NPIPB7: variants seen among roughly 807,000 people sequenced by gnomAD.
The protein encoded by NPIPB7 is nuclear pore complex-interacting protein family member B7.
For synonymous variants in NPIPB7, 9 were observed against 88.1 expected, an observed-to-expected ratio of 0.10 and a Z score of 5.03; for missense variants, 14 against 238.5, an observed-to-expected ratio of 0.06 and a Z score of 6.20.
chr16:28,469,695 G>A (rs1324451178), intron 1 of NPIPB7: 3 of 377,174 alleles, frequency 8.0e-6, no homozygotes, highest in Non-Finnish European at 1.5e-5. Context: ...TACACTTAAG[G>A]TTATATATTT....
At chr16:28,471,967 T>C (rs1303325933), upstream of NPIPB7, among the ~76,000 whole-genome samples, 2 of 151,994 alleles carry the variant, frequency 1.3e-5, no homozygotes, top group Non-Finnish European at 2.9e-5. Context: ...AAGATGGAGT[T>C]TGCAGTGAGC....
chr16:28,459,297 TACA>T (rs1332154319), intron 4 of NPIPB7, among the ~76,000 whole-genome samples: 14 of 91,322 alleles, frequency 1.5e-4, no homozygotes, highest in African/African-American at 5.2e-4. Flanking sequence ...TGGTTGATCC[TACA>T]ACAACACACT....
intron 4 of NPIPB7, among the ~76,000 whole-genome samples, chr16:28,462,137 AG>A (rs1395891102): frequency 6.7e-6 from 1 of 149,010 alleles, no homozygotes; most frequent in East Asian, 2.0e-4. Context: ...AAAAAAAAAA[AG>A]GCTGGGTGTG....
chr16:28,468,828 A>G (rs2045921687), intron 1 of NPIPB7, among the ~76,000 whole-genome samples: 1 of 91,296 alleles, frequency 1.1e-5, no homozygotes, highest in Non-Finnish European at 2.5e-5. Context: ...AAAAAAAAAA[A>G]AATTACCAAG....
At chr16:28,461,334 G>A (rs3874707) in intron 4 of NPIPB7, among the ~76,000 whole-genome samples, 168 of 133,706 alleles carry the variant, frequency 1.3e-3, no homozygotes, top group Middle Eastern at 3.5e-3. Flanking sequence ...TGGAGGACCC[G>A]TGACCATCCC....
chr16:28,461,197 C>A (rs1038151886), intron 4 of NPIPB7, among the ~76,000 whole-genome samples: 8 of 150,574 alleles, frequency 5.3e-5, no homozygotes, highest in Non-Finnish European at 1.2e-4. Flanking sequence ...TGAAAGCGAC[C>A]CGTACTGAAA....
chr16:28,468,705 G>A (rs966374427), intron 1 of NPIPB7, among the ~76,000 whole-genome samples: 2 of 138,072 alleles, frequency 1.4e-5, no homozygotes, highest in Admixed American at 1.6e-4. Flanking sequence ...TACTTGGGAG[G>A]CTGAGGCAGA....
intron 4 of NPIPB7, among the ~76,000 whole-genome samples, chr16:28,460,876 G>A (rs1237996713): frequency 1.3e-5 from 1 of 75,130 alleles, no homozygotes; most frequent in Non-Finnish European, 2.7e-5. Context: ...AGCTAAGGAA[G>A]CATTCTACTC....
intron 2 of NPIPB7, among the ~76,000 whole-genome samples, chr16:28,463,389 T>TCTCACA (rs1415034159): frequency 1.1e-4 from 5 of 45,794 alleles, no homozygotes; most frequent in African/African-American, 1.6e-4. Flanking sequence ...AGACTCTGTC[T>TCTCACA]CACACACACA....
chr16:28,472,150 C>T (rs557201285), upstream of NPIPB7, among the ~76,000 whole-genome samples: 150 of 152,318 alleles, frequency 9.8e-4, no homozygotes, highest in African/African-American at 3.4e-3. Flanking sequence ...CAGTGGCCCA[C>T]GCCTGTAATC....
chr16:28,472,233 T>C (rs1490278460), upstream of NPIPB7, among the ~76,000 whole-genome samples: 1 of 151,860 alleles, frequency 6.6e-6, no homozygotes, highest in East Asian at 1.9e-4. Flanking sequence ...GGCAACATAG[T>C]GAGACACCGT....
chr16:28,472,189 G>A (rs1243692258), upstream of NPIPB7, among the ~76,000 whole-genome samples: 1 of 152,218 alleles, frequency 6.6e-6, no homozygotes, highest in Non-Finnish European at 1.5e-5. Context: ...AAGGTGGGCA[G>A]ATCATTTGAG....
upstream of NPIPB7, among the ~76,000 whole-genome samples, chr16:28,470,763 G>A (rs2045944786): frequency 6.7e-6 from 1 of 150,274 alleles, no homozygotes; most frequent in African/African-American, 2.4e-5. Context: ...TTCAAATTAA[G>A]TTCTCAAGCG....
At chr16:28,462,434 G>A (rs2045877775) in intron 4 of NPIPB7, among the ~76,000 whole-genome samples, 1 of 148,686 alleles carries the variant, frequency 6.7e-6, no homozygotes, top group East Asian at 2.0e-4. Context: ...AAAAAAGAGA[G>A]AAAGGAAAAC....
At chr16:28,472,156 T>C (rs546016956), upstream of NPIPB7, among the ~76,000 whole-genome samples, 6 of 152,354 alleles carry the variant, frequency 3.9e-5, no homozygotes, top group South Asian at 1.2e-3. Context: ...CCCACGCCTG[T>C]AATCCCAGTA....
upstream of NPIPB7, among the ~76,000 whole-genome samples, chr16:28,470,871 A>T (rs2045945916): frequency 8.5e-6 from 1 of 117,216 alleles, no homozygotes; most frequent in Non-Finnish European, 1.8e-5. Context: ...TTAGAGGGAG[A>T]CAAAAAGGTT....
At chr16:28,462,083 C>G (rs1193351127) in intron 4 of NPIPB7, among the ~76,000 whole-genome samples, 4 of 148,406 alleles carry the variant, frequency 2.7e-5, no homozygotes, top group Admixed American at 6.7e-5. Flanking sequence ...CACCATAGCA[C>G]TCCAGCCTGG....
chr16:28,463,572 C>CA (rs2045885369), intron 2 of NPIPB7, among the ~76,000 whole-genome samples: 3 of 141,350 alleles, frequency 2.1e-5, no homozygotes, highest in East Asian at 4.7e-4. Flanking sequence ...GCTAAAAATA[C>CA]AAAATTAGCC....
chr16:28,470,525 G>GAT (rs2045939503), exon 1 of NPIPB7: 3 of 728,648 alleles, frequency 4.1e-6, no homozygotes, highest in Admixed American at 2.7e-5. Flanking sequence ...GACGGGGACC[G>GAT]GGGCCGGATC....
Sources: allele counts gnomAD v4.1 joint callset (sites outside exome capture counted in the v4.1 genomes callset), GRCh38; gene constraint gnomAD v4.1.1; transcripts MANE v1.5; gene names NCBI Gene and HGNC (gene_info 2026-07-23, HGNC 2026-07-21).